RGS9: variants seen among roughly 807,000 people sequenced by gnomAD.
RGS9 encodes the protein regulator of G-protein signalling 9.
A neutral mutation model predicts 102.0 loss-of-function variants in RGS9; 78 were observed. The ratio of observed to expected loss-of-function variants is 0.76; its 90% CI spans 0.64 to 0.92. The LOEUF is 0.92. Ranked by LOEUF, RGS9 falls within the 40% of genes least tolerant of loss-of-function variation. The pLI is 0.00. For missense variants in RGS9, 833 were observed against 866.1 expected (o/e 0.96, Z 0.48); for synonymous variants, 353 against 318.6 (o/e 1.11, Z -1.15).
chr17:65,163,659 G>A (rs183767471), intron 7 of RGS9, among the ~76,000 whole-genome samples: 13 of 152,222 alleles, frequency 8.5e-5, no homozygotes, highest in Admixed American at 4.6e-4. Context: ...AGAAGGAATC[G>A]TAGAAATGGC....
chr17:65,201,961 G>A lies in RGS9; in HGVS notation c.977-32G>A, dbSNP rs371331749. The A allele has an allele frequency of 7.0e-6, 10 of 1,428,994 alleles. No homozygotes were observed. The African/African-American group carries it at 1.3e-4, about 18-fold the overall frequency. 88.5% of individuals were successfully genotyped at this position (1,428,994 alleles called of 1,614,324 possible). On this transcript the variant is annotated intron_variant, in intron 13 of 18. Coordinates refer to ENST00000262406, the MANE Select transcript of RGS9 (RefSeq NM_003835.4). ...CTTCTTCCAACTTATTTCCTGCCCG[G>A]CCCTCATCCACGTGGACTTCTCACC...
At chr17:65,199,641 C>T (rs1299800004) in intron 13 of RGS9, among the ~76,000 whole-genome samples, 1 of 151,678 alleles carries the variant, frequency 6.6e-6, no homozygotes, top group Non-Finnish European at 1.5e-5. Flanking sequence ...TTACAGGCGC[C>T]CGCCACCATG....
chr17:65,186,106 T>C (rs923601136), intron 9 of RGS9, among the ~76,000 whole-genome samples: 1 of 152,104 alleles, frequency 6.6e-6, no homozygotes, highest in Non-Finnish European at 1.5e-5. Context: ...GGACAGAGTG[T>C]TTCTGGTACT....
intron 18 of RGS9, 76 bp from the exon 19 acceptor site, chr17:65,227,199 T>A: frequency 1.3e-6 from 2 of 1,596,872 alleles, no homozygotes. Context: ...TCTTCAAGGA[T>A]GTCAGGATGA....
At chr17:65,177,851 G>A in intron 9 of RGS9, 48 bp downstream of exon 9, 1 of 1,462,072 alleles carries the variant, frequency 6.8e-7, no homozygotes, top group Non-Finnish European at 9.6e-7. Context: ...CGGATTCTGG[G>A]GCTGGGAAGG....
At chr17:65,138,599 G>A (rs978667055) in intron 1 of RGS9, among the ~76,000 whole-genome samples, 9 of 151,994 alleles carry the variant, frequency 5.9e-5, no homozygotes, top group African/African-American at 2.2e-4. Context: ...AGAGGTGTGG[G>A]TATCATCTGT....
At chr17:65,151,535 C>T (rs560374248) in intron 1 of RGS9, among the ~76,000 whole-genome samples, 2 of 152,336 alleles carry the variant, frequency 1.3e-5, no homozygotes, top group South Asian at 4.1e-4. Context: ...CTCTCCCTGA[C>T]ATTCATGGCT....
intron 15 of RGS9, among the ~76,000 whole-genome samples, chr17:65,206,514 C>T (rs1467044927): frequency 2.6e-5 from 4 of 152,040 alleles, no homozygotes; most frequent in Non-Finnish European, 5.9e-5. Flanking sequence ...CCCGTCTCTA[C>T]CAAAAATACA....
chr17:65,166,018 G>GA (rs2144009058), intron 7 of RGS9, among the ~76,000 whole-genome samples: 1 of 152,176 alleles, frequency 6.6e-6, no homozygotes, highest in Admixed American at 6.5e-5. Context: ...GGAGCAACTG[G>GA]GGCTGGCTGG....
Position 65,137,528 on chromosome 17 carries a change from T to C in RGS9, c.-13T>C. On this transcript the variant is annotated 5_prime_UTR_variant, in exon 1 of 19. Coordinates refer to ENST00000262406, the MANE Select transcript of RGS9 (RefSeq NM_003835.4). ...CACTGGTGCTCTGGCTGTGAATCCA[T>C]CCAGGGGCCAGGATGACAATCCGAC... is the stretch of plus-strand genomic sequence containing the variant. 2 of 1,611,446 alleles carry C rather than the reference T, an allele frequency of 1.2e-6. No homozygotes were observed. Among genetic ancestry groups the C allele is most frequent in the Non-Finnish European group, 8.5e-7 (1 of 1,179,772 alleles).
chr17:65,149,453 T>C (rs555020823), intron 1 of RGS9, among the ~76,000 whole-genome samples: 287 of 152,282 alleles, frequency 1.9e-3, no homozygotes, highest in African/African-American at 6.7e-3. Flanking sequence ...TGCTCAACTT[T>C]CTGAAGACTG....
intron 9 of RGS9, among the ~76,000 whole-genome samples, chr17:65,183,813 T>G (rs1352989107): frequency 5.9e-5 from 9 of 152,224 alleles, no homozygotes. Context: ...ATTTCTCCCC[T>G]GCACTCCTGC....
chr17:65,177,648 T>C lies in RGS9; in HGVS notation c.583-84T>C, dbSNP rs932392091. 11 of 1,302,838 alleles carry C rather than the reference T, an allele frequency of 8.4e-6. No homozygotes were observed. The African/African-American group carries it at 1.3e-4, about 15-fold the overall frequency. 80.7% of individuals were successfully genotyped at this position (1,302,838 alleles called of 1,614,324 possible). ...AGCTCTTCTCAGCTCAATCTCACAA[T>C]TGGCAGATTAACCAAGACCCACAGT... is the stretch of plus-strand genomic sequence containing the variant. On this transcript the variant is annotated intron_variant, in intron 8 of 18. Coordinates refer to ENST00000262406, the MANE Select transcript of RGS9 (RefSeq NM_003835.4).
intron 17 of RGS9, among the ~76,000 whole-genome samples, chr17:65,214,392 C>T (rs541974393): frequency 1.1e-3 from 160 of 152,282 alleles, no homozygotes; most frequent in African/African-American, 3.7e-3. Context: ...CAGCTGTAGC[C>T]GGAGGCAGGA....
Position 65,227,571 on chromosome 17 carries a change from G to A in RGS9, c.*164G>A. ...GTAGATTGTGGCAAAGAATGCTCTG[G>A]CTGGTTACCAGGGGCCAACTCCTTC... On this transcript the variant is annotated 3_prime_UTR_variant, in exon 19 of 19. Transcript: ENST00000262406. 1 of 1,004,266 alleles carries A rather than the reference G, an allele frequency of 1.0e-6. No individual in the cohort carries two copies. The highest frequency in any genetic ancestry group is 1.5e-6 in the Non-Finnish European group (1 of 675,784). 62.2% of individuals were successfully genotyped at this position (1,004,266 alleles called of 1,614,324 possible). A position where few individuals can be genotyped will look rare whatever the true frequency, so the allele number is the denominator to read the frequency against.
chr17:65,176,091 C>T (rs1911613519), intron 8 of RGS9, among the ~76,000 whole-genome samples: 1 of 152,198 alleles, frequency 6.6e-6, no homozygotes, highest in South Asian at 2.1e-4. Context: ...TGTAGCCAAC[C>T]TGGTTGGTCA....
intron 2 of RGS9, among the ~76,000 whole-genome samples, chr17:65,157,787 T>TG (rs1910821324): frequency 6.6e-6 from 1 of 152,030 alleles, no homozygotes; most frequent in African/African-American, 2.4e-5. Flanking sequence ...CCTGGGAACT[T>TG]GGGGAGTTGG....
chr17:65,188,066 C>G (rs1912199319), intron 9 of RGS9, among the ~76,000 whole-genome samples: 1 of 152,148 alleles, frequency 6.6e-6, no homozygotes, highest in Admixed American at 6.5e-5. Flanking sequence ...TCAGTACCAG[C>G]CAGCCCCTGG....
intron 1 of RGS9, 39 bp downstream of exon 1, chr17:65,137,636 G>A (rs1222393535): frequency 6.2e-7 from 1 of 1,605,642 alleles, no homozygotes; most frequent in South Asian, 1.1e-5. Flanking sequence ...GGAGGAGGGC[G>A]GGGGACCGCA....
Sources: gnomAD v4.1 joint callset for allele counts (sites outside exome capture counted in the v4.1 genomes callset) on GRCh38, gnomAD v4.1.1 for gene constraint, MANE v1.5 for transcripts, NCBI Gene and HGNC (gene_info 2026-07-23, HGNC 2026-07-21) for gene names.